TBC1D5: variants seen among roughly 807,000 people sequenced by gnomAD.
TBC1D5 encodes the protein TBC1 domain family member 5, also known as TBC1 domain family, member 5.
A neutral mutation model predicts 100.3 loss-of-function variants in TBC1D5; 75 were observed. That is an observed-to-expected ratio of 0.75 (90% CI 0.62 to 0.91). The LOEUF (loss-of-function observed/expected upper bound fraction) is 0.91. Among genes scored for constraint, TBC1D5 ranks in the 40% least tolerant of loss-of-function variants. TBC1D5 has a pLI of 0.00. For missense variants in TBC1D5, 910 were observed against 942.4 expected, an observed-to-expected ratio of 0.97 and a Z score of 0.45; for synonymous variants, 323 against 325.6, an observed-to-expected ratio of 0.99 and a Z score of 0.09.
At chr3:17,310,103 T>G (rs1008887614) in intron 13 of TBC1D5, among the ~76,000 whole-genome samples, 1 of 152,078 alleles carries the variant, frequency 6.6e-6, no homozygotes, top group Admixed American at 6.6e-5. Flanking sequence ...AAAACCAAAG[T>G]AGCCCATTTC....
chr3:17,538,221 T>C (rs1481719578), intron 2 of TBC1D5, among the ~76,000 whole-genome samples: 1 of 152,058 alleles, frequency 6.6e-6, no homozygotes, highest in East Asian at 1.9e-4. Context: ...CTCTCTAAAA[T>C]GATAAGTGGT....
intron 2 of TBC1D5, among the ~76,000 whole-genome samples, chr3:17,572,429 C>T (rs532631484): frequency 2.6e-5 from 4 of 151,770 alleles, no homozygotes; most frequent in Non-Finnish European, 5.9e-5. Context: ...TCTCCTATAA[C>T]ATCAACCTCT....
At chr3:17,504,472 A>G (rs940524793) in intron 3 of TBC1D5, among the ~76,000 whole-genome samples, 10 of 152,218 alleles carry the variant, frequency 6.6e-5, no homozygotes, top group Admixed American at 2.0e-4. Context: ...ATTAAAAAAA[A>G]GGATTATATA....
chr3:17,495,691 T>G (rs1429213940), intron 3 of TBC1D5, among the ~76,000 whole-genome samples: 1 of 152,202 alleles, frequency 6.6e-6, no homozygotes, highest in Admixed American at 6.5e-5. Flanking sequence ...TCTGCAGAGC[T>G]TTTTCATAGG....
intron 2 of TBC1D5, among the ~76,000 whole-genome samples, chr3:17,607,701 G>C (rs2061418673): frequency 6.6e-6 from 1 of 151,226 alleles, no homozygotes; most frequent in African/African-American, 2.4e-5. Flanking sequence ...ATAGGCCACA[G>C]TACCCAGAAT....
intron 3 of TBC1D5, among the ~76,000 whole-genome samples, chr3:17,464,889 A>G (rs957762336): frequency 6.6e-6 from 1 of 152,092 alleles, no homozygotes; most frequent in Non-Finnish European, 1.5e-5. Flanking sequence ...GTATTCTGTG[A>G]CACATGAAAA....
intron 3 of TBC1D5, among the ~76,000 whole-genome samples, chr3:17,467,286 CTTTTTTT>C (rs11299814): frequency 8.2e-6 from 1 of 121,288 alleles, no homozygotes; most frequent in Non-Finnish European, 1.7e-5. Flanking sequence ...GCCAGACCTT[CTTTTTTT>C]TTTTTTTTTT....
chr3:17,451,401 CTCA>C (rs1467304163), intron 3 of TBC1D5, among the ~76,000 whole-genome samples: 1 of 152,094 alleles, frequency 6.6e-6, no homozygotes, highest in African/African-American at 2.4e-5. Context: ...TGAAGAAAAG[CTCA>C]TCATCACTGG....
intron 2 of TBC1D5, among the ~76,000 whole-genome samples, chr3:17,620,185 T>C (rs1477811684): frequency 6.6e-6 from 1 of 152,192 alleles, no homozygotes; most frequent in African/African-American, 2.4e-5. Flanking sequence ...GTCACCCAGA[T>C]TGGAGTGTAA....
At chr3:17,352,645 A>G (rs983061176) in intron 13 of TBC1D5, among the ~76,000 whole-genome samples, 3 of 150,236 alleles carry the variant, frequency 2.0e-5, no homozygotes, top group African/African-American at 4.9e-5. Flanking sequence ...ATATTCTGAC[A>G]TAAAGAACCA....
chr3:17,372,729 G>T (rs1265479762), intron 12 of TBC1D5, among the ~76,000 whole-genome samples: 1 of 152,164 alleles, frequency 6.6e-6, no homozygotes, highest in African/African-American at 2.4e-5. Flanking sequence ...TCAAAATGTT[G>T]ATGTTCATAT....
At chr3:17,159,066 T>A (rs1285989548) in exon 22 of TBC1D5, 2 of 152,216 alleles carry the variant, frequency 1.3e-5, no homozygotes, top group Admixed American at 1.3e-4. Flanking sequence ...TGGCAGCAGC[T>A]TACTCAGAGG....
At chr3:17,383,025 A>G (rs1004791736) in intron 9 of TBC1D5, among the ~76,000 whole-genome samples, 1 of 152,104 alleles carries the variant, frequency 6.6e-6, no homozygotes, top group African/African-American at 2.4e-5. Flanking sequence ...ATTAAAAATA[A>G]GATAAAATTA....
At chr3:17,455,382 CAA>C (rs572333255) in intron 3 of TBC1D5, among the ~76,000 whole-genome samples, 2 of 138,022 alleles carry the variant, frequency 1.4e-5, no homozygotes, top group Non-Finnish European at 3.1e-5. Flanking sequence ...ATGTATAAGC[CAA>C]AAAAAGTATA....
At chr3:17,272,812 A>T (rs1454870396) in intron 15 of TBC1D5, among the ~76,000 whole-genome samples, 1 of 152,220 alleles carries the variant, frequency 6.6e-6, no homozygotes, top group African/African-American at 2.4e-5. Context: ...AATACTTCGT[A>T]ATTTTCCACA....
At chr3:17,444,166 T>C (rs866402896) in intron 3 of TBC1D5, among the ~76,000 whole-genome samples, 1 of 152,078 alleles carries the variant, frequency 6.6e-6, no homozygotes, top group South Asian at 2.1e-4. Context: ...TACTTTATTT[T>C]TCCAGATGTA....
At chr3:17,203,625 T>C (rs1427958061) in intron 18 of TBC1D5, among the ~76,000 whole-genome samples, 1 of 152,118 alleles carries the variant, frequency 6.6e-6, no homozygotes, top group Non-Finnish European at 1.5e-5. Flanking sequence ...GAGGTGGATT[T>C]CCCCCTTGCT....
chr3:17,382,387 C>A (rs1229729833), intron 9 of TBC1D5, among the ~76,000 whole-genome samples: 2 of 151,830 alleles, frequency 1.3e-5, no homozygotes, highest in African/African-American at 4.8e-5. Context: ...TTTTTAGGCA[C>A]TAAATTTAAA....
chr3:17,172,163 C>T (rs1386626192), intron 19 of TBC1D5, among the ~76,000 whole-genome samples: 2 of 152,266 alleles, frequency 1.3e-5, no homozygotes, highest in East Asian at 3.9e-4. Context: ...GCTGACTAGG[C>T]TCACTTTAAG....
Sources: allele counts gnomAD v4.1 joint callset (sites outside exome capture counted in the v4.1 genomes callset), GRCh38; gene constraint gnomAD v4.1.1; transcripts MANE v1.5; gene names NCBI Gene and HGNC (gene_info 2026-07-23, HGNC 2026-07-21).